DLG2: variants seen among roughly 807,000 people sequenced by gnomAD.
DLG2 encodes the protein disks large homolog 2.
Under a neutral mutation model 132.5 loss-of-function variants are expected in DLG2, and 45 were observed. The ratio of observed to expected loss-of-function variants is 0.34; its 90% CI spans 0.27 to 0.44. The LOEUF (loss-of-function observed/expected upper bound fraction) is 0.44, where lower values mean the gene tolerates loss of function less well. Ranked by LOEUF, DLG2 falls within the 20% of genes least tolerant of loss-of-function variation. The pLI is 1.00. For synonymous variants in DLG2, 424 were observed against 419.6 expected, an observed-to-expected ratio of 1.01 and a Z score of -0.13; for missense variants, 1,045 against 1,196.9, an observed-to-expected ratio of 0.87 and a Z score of 1.87.
chr11:83,997,025 C>T (rs780030989), intron 11 of DLG2, among the ~76,000 whole-genome samples: 3 of 151,950 alleles, frequency 2.0e-5, no homozygotes, highest in Non-Finnish European at 4.4e-5. Flanking sequence ...ATCCCACTCT[C>T]CATGATATGC....
intron 4 of DLG2, among the ~76,000 whole-genome samples, chr11:85,204,874 T>C (rs1458849712): frequency 1.3e-5 from 2 of 151,814 alleles, no homozygotes; most frequent in East Asian, 3.9e-4. Flanking sequence ...CAGAAATAAA[T>C]CCACACATTT....
rs116776157 is a variant in DLG2 at position 83,688,073 on chromosome 11, G to T, written c.1826-54748C>A. Among the ~76,000 whole-genome samples, 1,466 of 151,826 alleles carry T rather than the reference G, an allele frequency of 9.7e-3. 25 individuals are homozygous for T. The highest frequency in any genetic ancestry group is 0.032 in the African/African-American group (1,346 of 41,428). On this transcript the variant is annotated intron_variant, in intron 18 of 27. Coordinates refer to ENST00000376104, the MANE Select transcript of DLG2 (RefSeq NM_001142699.3). ...GTAACACACTTGGTAGAGAGAAGAA[G>T]CTGTGCTCTCAATCAACTGTAGAGG...
intron 6 of DLG2, among the ~76,000 whole-genome samples, chr11:84,764,997 T>C (rs1003685622): frequency 3.9e-5 from 6 of 152,096 alleles, no homozygotes; most frequent in African/African-American, 1.2e-4. Flanking sequence ...GATGGTTATA[T>C]TTGCATGTCC....
At position 84,975,499 on chromosome 11, in the gene DLG2, T is replaced by C. The variant is rs998473857; in HGVS notation, c.357+136162A>G. 2.0e-5 allele frequency among the ~76,000 whole-genome samples: 3 copies of C among 152,142 alleles called. No individual in the cohort carries two copies. In the East Asian group the frequency reaches 5.8e-4, roughly 29 times the overall value. ...AGACACATTTTGTGATCATGAGAAA[T>C]ACAACAAAGTGATAAGCTTAGCAGA... On this transcript the variant is annotated intron_variant, in intron 6 of 27. Transcript: ENST00000376104.
rs544265519 is a variant in DLG2, at chr11:85,384,451, A to C, written c.41-99086T>G. ...GAACTATTAATTGGAACTCATATCA[A>C]AAAGCTAGTTACTTAACTTGAGCAT... On this transcript the variant is annotated intron_variant, in intron 3 of 27. Transcript: ENST00000376104. Among the ~76,000 whole-genome samples the C allele has an allele frequency of 2.0e-5, 3 of 152,338 alleles. No homozygotes were observed. In the East Asian group the frequency reaches 5.8e-4, roughly 29 times the overall value.
At chr11:83,701,895 G>T (rs986351938) in intron 18 of DLG2, among the ~76,000 whole-genome samples, 1 of 152,228 alleles carries the variant, frequency 6.6e-6, no homozygotes, top group Non-Finnish European at 1.5e-5. Flanking sequence ...AGTATACAAG[G>T]AAGTTTCTGT....
chr11:83,875,737 A>G (rs1313551018), intron 15 of DLG2, among the ~76,000 whole-genome samples: 1 of 152,176 alleles, frequency 6.6e-6, no homozygotes, highest in Admixed American at 6.6e-5. Context: ...AAGAAACCTG[A>G]GTCTAGGATT....
intron 10 of DLG2, among the ~76,000 whole-genome samples, chr11:84,086,347 A>T (rs1418376863): frequency 6.6e-6 from 1 of 152,354 alleles, no homozygotes; most frequent in East Asian, 1.9e-4. Context: ...TAATATCTTT[A>T]TTGAGATATA....
intron 19 of DLG2, among the ~76,000 whole-genome samples, chr11:83,612,467 G>A (rs1174705335): frequency 6.6e-6 from 1 of 152,130 alleles, no homozygotes; most frequent in Non-Finnish European, 1.5e-5. Flanking sequence ...AGAAAACTGA[G>A]GCTTAAAAAG....
At chr11:83,568,964 G>A (rs529819100) in intron 19 of DLG2, among the ~76,000 whole-genome samples, 9 of 152,192 alleles carry the variant, frequency 5.9e-5, no homozygotes, top group Admixed American at 2.6e-4. Context: ...CTGTTTCTTC[G>A]ATTTATTAAT....
At chr11:84,577,341 T>C (rs1158827540) in intron 6 of DLG2, among the ~76,000 whole-genome samples, 1 of 152,004 alleles carries the variant, frequency 6.6e-6, no homozygotes, top group African/African-American at 2.4e-5. Flanking sequence ...GTTGGAACAG[T>C]TTGGAGGGCT....
chr11:84,626,967 G>T lies in DLG2; in HGVS notation c.358-92236C>A, dbSNP rs571737973. On this transcript the variant is annotated intron_variant, in intron 6 of 27. Transcript: ENST00000376104. ...GCTCACTGCAACCTCTGCCTCCCAG[G>T]TTCAAGTGATTCTCCTGCCCCAGTC... Among the ~76,000 whole-genome samples the T allele has an allele frequency of 5.4e-4, 82 of 151,956 alleles. 2 individuals are homozygous for T. In the South Asian group the frequency reaches 0.015, roughly 27 times the overall value.
At chr11:84,129,846 T>TTA (rs139493142) in intron 9 of DLG2, among the ~76,000 whole-genome samples, 2,342 of 152,066 alleles carry the variant, frequency 0.015, 54 homozygotes, top group African/African-American at 0.053. Flanking sequence ...GAACTATGAA[T>TTA]TATATCTCAA....
At chr11:85,209,462 T>C (rs2082113119) in intron 4 of DLG2, among the ~76,000 whole-genome samples, 1 of 144,148 alleles carries the variant, frequency 6.9e-6, no homozygotes. Flanking sequence ...TTTTTTTTTT[T>C]TTTTTGAGAC....
rs1030166705 is a variant in DLG2, at chr11:84,987,595, A to G, written c.357+124066T>C. On this transcript the variant is annotated intron_variant, in intron 6 of 27. Transcript: ENST00000376104. ...CACATAGACGAATGGAACAGAATAC[A>G]GAACTCAAAAATAAACTCAAATACT... 3.9e-5 allele frequency among the ~76,000 whole-genome samples: 6 copies of G among 152,308 alleles called. No individual in the cohort carries two copies. The East Asian group carries it at 5.8e-4, about 15-fold the overall frequency.
rs1056461368 is a variant in DLG2 at position 84,346,228 on chromosome 11, C to T, written c.520-94937G>A. Among the ~76,000 whole-genome samples the T allele has an allele frequency of 2.0e-5, 3 of 152,126 alleles. 1 individual carries two copies. Among genetic ancestry groups the T allele is most frequent in the South Asian group, 4.1e-4 (2 of 4,830 alleles). On this transcript the variant is annotated intron_variant, in intron 7 of 27. Coordinates refer to ENST00000376104, the MANE Select transcript of DLG2 (RefSeq NM_001142699.3). ...TACTCTCAAATGGATCTGACCATTC[C>T]TTTCTATGGCTAACTCACATTTATT...
intron 5 of DLG2, among the ~76,000 whole-genome samples, chr11:85,134,356 C>T (rs1217156025): frequency 6.7e-6 from 1 of 149,252 alleles, no homozygotes; most frequent in Non-Finnish European, 1.5e-5. Flanking sequence ...GGTGAAACCC[C>T]GTCTCTACTA....
chr11:84,132,318 A>G (rs1156329979), intron 9 of DLG2, among the ~76,000 whole-genome samples: 1 of 152,028 alleles, frequency 6.6e-6, no homozygotes, highest in African/African-American at 2.4e-5. Context: ...CCTGATATCT[A>G]TAAGCTTTAA....
intron 6 of DLG2, among the ~76,000 whole-genome samples, chr11:84,609,280 A>G (rs1201558286): frequency 6.6e-6 from 1 of 152,002 alleles, no homozygotes; most frequent in African/African-American, 2.4e-5. Flanking sequence ...GCAATAATAG[A>G]CCCTATCTCA....
Sources: allele counts gnomAD v4.1 joint callset (sites outside exome capture counted in the v4.1 genomes callset), GRCh38; gene constraint gnomAD v4.1.1; transcripts MANE v1.5; gene names NCBI Gene and HGNC (gene_info 2026-07-23, HGNC 2026-07-21).